Variants in DGKZ observed in about 807,000 individuals in gnomAD.
The protein encoded by DGKZ is DAG kinase zeta.
DGKZ carries 45 observed loss-of-function variants against 142.5 expected under a neutral mutation model. The ratio of observed to expected loss-of-function variants is 0.32; its 90% CI spans 0.25 to 0.40. The LOEUF (loss-of-function observed/expected upper bound fraction) is 0.40. Ranked by LOEUF, DGKZ falls within the 10% of genes least tolerant of loss-of-function variation. The pLI, the probability that DGKZ is intolerant of heterozygous loss-of-function variation, is 1.00. For missense variants in DGKZ, 755 were observed against 1,306.5 expected (o/e 0.58, Z 6.51); for synonymous variants, 442 against 527.0 (o/e 0.84, Z 2.21).
rs760690893 is a variant in DGKZ, at chr11:46,367,853, C to T, written c.366+106C>T. 11 of 1,529,744 alleles carry T rather than the reference C, an allele frequency of 7.2e-6. No individual in the cohort carries two copies. The highest frequency in any genetic ancestry group is 5.5e-5 in the African/African-American group (4 of 73,186). The allele number at this position is 1,529,744 out of a possible 1,614,324, so 94.8% of individuals were successfully genotyped here. The stretch of plus-strand genomic sequence containing the variant: ...GCTCCCTGGCACCCCTGCTGTGGGC[C>T]GCCCCAGGATGGTGAGGGGTGCAGG... On this transcript the variant is annotated intron_variant, in intron 3 of 30. Coordinates refer to ENST00000527911, the Ensembl canonical transcript of DGKZ. The surrounding 1 kb of genome is among the most constrained non-coding windows in gnomAD (Gnocchi z 4.1).
intron 1 of DGKZ, among the ~76,000 whole-genome samples, chr11:46,354,666 G>A (rs547936427): frequency 2.4e-4 from 36 of 152,304 alleles, no homozygotes; most frequent in African/African-American, 8.4e-4. Context: ...CTTACTCCCT[G>A]GAGGAAACCA....
At chr11:46,366,095 G>C (rs1943211953) in intron 1 of DGKZ, 4 of 1,385,876 alleles carry the variant, frequency 2.9e-6, no homozygotes, top group African/African-American at 1.5e-5. Flanking sequence ...TCCCTCAGGG[G>C]TTGCTTCCCT....
In DGKZ at chr11:46,347,824, AGCGGGGCGGCG is replaced by A. The variant is rs1270275929; in HGVS notation, c.161+12_161+22del. The stretch of plus-strand genomic sequence containing the variant: ...GGCTGCGGCTCTTCGGGCACAGGTG[AGCGGGGCGGCG>A]GCGGGGCAGGCACCGAGGCACCGGC... On this transcript the variant is annotated splice_donor_5th_base_variant and intron_variant, in intron 1 of 30. Transcript: ENST00000527911. This position sits in a 1 kb window ranked among gnomAD's most constrained non-coding sequence, Gnocchi z 6.4. The A allele has an allele frequency of 3.1e-6, 4 of 1,284,886 alleles. No individual in the cohort carries two copies. The East Asian group carries it at 1.3e-4, about 41-fold the overall frequency. 79.6% of individuals were successfully genotyped at this position (1,284,886 alleles called of 1,614,324 possible).
chr11:46,375,640 C>T lies in DGKZ; in HGVS notation c.1910+9C>T. 6.5e-7 allele frequency: 1 copy of T among 1,548,702 alleles called. No homozygotes were observed. Among genetic ancestry groups the T allele is most frequent in the Non-Finnish European group, 8.7e-7 (1 of 1,152,448 alleles). ...GCCCCCCTGCACAGCGAGTACGTCCCACCCTGCCACGTGCCCTGGGTGCCA... is the reference window on the plus strand; with the variant it reads ...GCCCCCCTGCACAGCGAGTACGTCCTACCCTGCCACGTGCCCTGGGTGCCA... On this transcript the variant is annotated intron_variant, in intron 20 of 30. Coordinates refer to ENST00000527911, the Ensembl canonical transcript of DGKZ.
rs571697870 is a variant in DGKZ at position 46,350,500 on chromosome 11, C to G, written c.161+2680C>G. Among the ~76,000 whole-genome samples the G allele has an allele frequency of 7.9e-5, 12 of 152,194 alleles. No individual in the cohort carries two copies. The East Asian group carries it at 2.3e-3, about 29-fold the overall frequency. On this transcript the variant is annotated intron_variant, in intron 1 of 30. Transcript: ENST00000527911. The stretch of plus-strand genomic sequence containing the variant: ...CCACCCCATGTCCCCCATCCCGCCC[C>G]CTCCCCACCCCACCCACATACACAC...
intron 1 of DGKZ, chr11:46,366,205 G>A (rs1943223540): frequency 1.3e-6 from 2 of 1,513,242 alleles, no homozygotes; most frequent in Non-Finnish European, 1.7e-6. Flanking sequence ...ACCGTGGCCT[G>A]ATCCAGCTCC....
chr11:46,333,291 G>C, exon 1 of DGKZ: 1 of 1,267,096 alleles, frequency 7.9e-7, no homozygotes, highest in Non-Finnish European at 9.9e-7. Context: ...CGAGGGGCAG[G>C]GCGGCGGAGG....
At chr11:46,341,362 T>A (rs1940268064) in intron 1 of DGKZ, among the ~76,000 whole-genome samples, 1 of 152,208 alleles carries the variant, frequency 6.6e-6, no homozygotes, top group African/African-American at 2.4e-5. Flanking sequence ...AAAAGTCAGA[T>A]GATACAGGAA....
intron 1 of DGKZ, among the ~76,000 whole-genome samples, chr11:46,336,581 G>T (rs1399795807): frequency 6.6e-6 from 1 of 152,010 alleles, no homozygotes; most frequent in Non-Finnish European, 1.5e-5. Flanking sequence ...AAAATTTTTT[G>T]TTTTTGTTTT....
exon 15 of DGKZ, chr11:46,374,225 C>T (rs200121731): frequency 2.2e-5 from 35 of 1,614,014 alleles, no homozygotes; most frequent in Admixed American, 3.3e-5. Flanking sequence ...TGGAGTTCCA[C>T]GAGTCTCGAG....
intron 1 of DGKZ, among the ~76,000 whole-genome samples, chr11:46,352,470 A>G (rs1941519939): frequency 6.6e-6 from 1 of 152,200 alleles, no homozygotes; most frequent in Non-Finnish European, 1.5e-5. Flanking sequence ...GGGTGCCTCT[A>G]GCCTCCTGGC....
chr11:46,352,661 C>G, intron 1 of DGKZ, among the ~76,000 whole-genome samples: 1 of 152,372 alleles, frequency 6.6e-6, no homozygotes, highest in East Asian at 1.9e-4. Context: ...CCCTCTGCCT[C>G]CTCCTTGAAC....
At chr11:46,349,331 C>T (rs1001629886) in intron 1 of DGKZ, among the ~76,000 whole-genome samples, 8 of 152,316 alleles carry the variant, frequency 5.3e-5, no homozygotes, top group Admixed American at 2.0e-4. Flanking sequence ...TATTCACAGG[C>T]TCCGCAGGGG....
intron 1 of DGKZ, among the ~76,000 whole-genome samples, chr11:46,356,682 T>G (rs1313930053): frequency 6.6e-6 from 1 of 152,010 alleles, no homozygotes; most frequent in African/African-American, 2.4e-5. Context: ...GGGTGGAGCC[T>G]GAGGGGTCGA....
At position 46,378,971 on chromosome 11, in the gene DGKZ, G is replaced by A. The variant is rs1274722778; in HGVS notation, c.2419-20G>A. The A allele has an allele frequency of 3.9e-6, 6 of 1,520,124 alleles. No individual in the cohort carries two copies. In the South Asian group the frequency reaches 7.5e-5, roughly 19 times the overall value. The allele number at this position is 1,520,124 out of a possible 1,614,324, so 94.2% of individuals were successfully genotyped here. ...GGGTGGCCCCAGGAGGTCCAGCCCT[G>A]CCATGCCTCCTGCCCTCAGCTCCAG... On this transcript the variant is annotated intron_variant, in intron 27 of 30. Coordinates refer to ENST00000527911, the Ensembl canonical transcript of DGKZ.
In DGKZ at chr11:46,365,551, A is replaced by G. The variant is rs1004652361; in HGVS notation, c.162-1740A>G. On this transcript the variant is annotated intron_variant, in intron 1 of 30. Coordinates refer to ENST00000527911, the Ensembl canonical transcript of DGKZ. ...CAGGAGAGCCAGACAGTGACTCTCC[A>G]GTTCCCTGAGACCTGGTCTCCCCTG... is the stretch of plus-strand genomic sequence containing the variant. 4.1e-6 allele frequency: 4 copies of G among 985,334 alleles called. No homozygotes were observed. In the African/African-American group the frequency reaches 5.2e-5, roughly 13 times the overall value. 61.0% of individuals were successfully genotyped at this position (985,334 alleles called of 1,614,324 possible).
intron 1 of DGKZ, chr11:46,365,139 G>T: frequency 1.0e-6 from 1 of 985,416 alleles, no homozygotes; most frequent in Non-Finnish European, 1.2e-6. Flanking sequence ...GTTCAGGATG[G>T]GTCCATGGAG....
At chr11:46,342,991 G>A (rs945855050), upstream of DGKZ, among the ~76,000 whole-genome samples, 1 of 152,262 alleles carries the variant, frequency 6.6e-6, no homozygotes, top group Admixed American at 6.5e-5. Context: ...GGGCATGGTA[G>A]CGCACGCCTG....
At chr11:46,341,611 CCACAGTCA>C (rs1484113655) in intron 1 of DGKZ, among the ~76,000 whole-genome samples, 3 of 152,126 alleles carry the variant, frequency 2.0e-5, no homozygotes, top group Admixed American at 2.0e-4. Context: ...AATGACTGGC[CCACAGTCA>C]CACAGCAAGG....
Sources: gnomAD v4.1 joint callset for allele counts (sites outside exome capture counted in the v4.1 genomes callset) on GRCh38, gnomAD v4.1.1 for gene constraint, Gnocchi (gnomAD v3.1) non-coding constraint, MANE v1.5 for transcripts, NCBI Gene and HGNC (gene_info 2026-07-23, HGNC 2026-07-21) for gene names.